THOC2: variants seen among roughly 807,000 people sequenced by gnomAD.
THOC2 encodes THO complex 2.
Under a neutral mutation model 128.4 loss-of-function variants are expected in THOC2, and 10 were observed. The observed-to-expected ratio is 0.08, with a 90% CI of 0.05 to 0.13. THOC2 has a LOEUF of 0.13. Among genes scored for constraint, THOC2 ranks in the 10% least tolerant of loss-of-function variants. The pLI is 1.00. For missense variants in THOC2, 535 were observed against 1,155.7 expected, an observed-to-expected ratio of 0.46 and a Z score of 7.79; for synonymous variants, 393 against 396.9, an observed-to-expected ratio of 0.99 and a Z score of 0.12.
At chrX:123,635,345 A>C (rs1028985771) in intron 19 of THOC2, among the ~76,000 whole-genome samples, 2 of 111,862 alleles carry the variant, frequency 1.8e-5, no homozygotes, top group Non-Finnish European at 3.8e-5. Context: ...ATAAGTTTAA[A>C]GTTTTTTTAA....
intron 4 of THOC2, among the ~76,000 whole-genome samples, chrX:123,700,243 G>A (rs1426954877): frequency 9.2e-6 from 1 of 109,153 alleles, no homozygotes; most frequent in Admixed American, 9.9e-5. Flanking sequence ...GCTCAAGCCT[G>A]TAATCCCAGC....
At chrX:123,615,543 T>C (rs1235620218) in intron 33 of THOC2, among the ~76,000 whole-genome samples, 1 of 109,830 alleles carries the variant, frequency 9.1e-6, no homozygotes, top group Non-Finnish European at 1.9e-5. Flanking sequence ...GTGAGGTTTA[T>C]TCATATCTTA....
At chrX:123,658,217 G>A (rs976800856) in intron 12 of THOC2, among the ~76,000 whole-genome samples, 2 of 110,855 alleles carry the variant, frequency 1.8e-5, no homozygotes, top group Non-Finnish European at 3.8e-5. Flanking sequence ...AAGAGTGGAA[G>A]ACAAAAACAA....
chrX:123,701,779 A>T (rs1445825355), intron 4 of THOC2, among the ~76,000 whole-genome samples: 1 of 111,546 alleles, frequency 9.0e-6, no homozygotes, highest in Non-Finnish European at 1.9e-5. Context: ...AATCCAACAG[A>T]TACCATGAAC....
chrX:123,696,367 T>C (rs985264642), intron 6 of THOC2, among the ~76,000 whole-genome samples: 4 of 111,288 alleles, frequency 3.6e-5, no homozygotes, highest in Non-Finnish European at 7.5e-5. Context: ...GGAAAACCAG[T>C]AACACAAGAA....
intron 9 of THOC2, among the ~76,000 whole-genome samples, chrX:123,669,356 G>A (rs1282891149): frequency 1.9e-5 from 2 of 103,078 alleles, no homozygotes; most frequent in Non-Finnish European, 3.9e-5. Context: ...TTTTGCTCTC[G>A]TTGCCCAGGC....
chrX:123,627,108 C>G (rs1337420671), intron 23 of THOC2, among the ~76,000 whole-genome samples: 1 of 112,427 alleles, frequency 8.9e-6, no homozygotes, highest in Non-Finnish European at 1.9e-5. Flanking sequence ...CATTACTATC[C>G]TGCTCAGGAA....
intron 33 of THOC2, among the ~76,000 whole-genome samples, chrX:123,614,940 C>T (rs1314267196): frequency 2.7e-5 from 3 of 111,287 alleles, no homozygotes; most frequent in East Asian, 2.8e-4. Context: ...AAGGGCTATA[C>T]GCAATAAAAC....
At chrX:123,716,799 G>A (rs941673195) in intron 1 of THOC2, among the ~76,000 whole-genome samples, 5 of 105,058 alleles carry the variant, frequency 4.8e-5, no homozygotes, top group Non-Finnish European at 7.8e-5. Context: ...TTGGGAAGCT[G>A]AGGCAGGAGA....
Position 123,637,385 on chromosome X carries a change from A to G in THOC2, c.1921+658T>C, listed in dbSNP as rs1004398144. On this transcript the variant is annotated intron_variant, in intron 18 of 38. Coordinates refer to ENST00000245838, the MANE Select transcript of THOC2 (RefSeq NM_001081550.2). ...TAAGTCAAGTTTTTGTTCTTTTAAG[A>G]TGACTGGAACCTCAGGATGGAATGG... is the stretch of plus-strand genomic sequence containing the variant. 6.3e-5 allele frequency among the ~76,000 whole-genome samples: 7 copies of G among 111,728 alleles called. No homozygotes were observed. In the Admixed American group the frequency reaches 6.7e-4, roughly 11 times the overall value.
chrX:123,616,742 T>C (rs1181289455), intron 33 of THOC2, among the ~76,000 whole-genome samples: 3 of 109,378 alleles, frequency 2.7e-5, no homozygotes, highest in Non-Finnish European at 5.8e-5. Context: ...ACACAATTGA[T>C]CAAAACTAGA....
intron 28 of THOC2, 185 bp from the exon 29 acceptor site, chrX:123,623,468 T>G: frequency 3.4e-6 from 2 of 583,867 alleles, no homozygotes; most frequent in East Asian, 3.9e-5. Context: ...AAAATTACAA[T>G]TTCACTATAA....
chrX:123,728,366 T>C (rs1251469698), intron 1 of THOC2, among the ~76,000 whole-genome samples: 1 of 111,545 alleles, frequency 9.0e-6, no homozygotes, highest in African/African-American at 3.3e-5. Context: ...ACAAACAAAG[T>C]AGTAGCCTAT....
chrX:123,642,193 A>G (rs1247443917), intron 15 of THOC2, among the ~76,000 whole-genome samples: 2 of 111,901 alleles, frequency 1.8e-5, no homozygotes, highest in African/African-American at 6.5e-5. Context: ...TGGGAGGCCA[A>G]GGCGGGTGAA....
intron 12 of THOC2, among the ~76,000 whole-genome samples, chrX:123,661,346 A>G (rs1206137266): frequency 9.0e-6 from 1 of 111,090 alleles, no homozygotes. Flanking sequence ...CGGAGGTTGC[A>G]GTGAGCCGAG....
At chrX:123,676,614 T>C (rs1379937348) in intron 8 of THOC2, among the ~76,000 whole-genome samples, 1 of 112,444 alleles carries the variant, frequency 8.9e-6, no homozygotes, top group Non-Finnish European at 1.9e-5. Flanking sequence ...TGGAGTTCCC[T>C]ACTATGCCAC....
At chrX:123,698,897 T>A (rs2050566190) in intron 4 of THOC2, among the ~76,000 whole-genome samples, 1 of 110,715 alleles carries the variant, frequency 9.0e-6, no homozygotes. Flanking sequence ...AATTAACATC[T>A]TATCTTGAAT....
At chrX:123,719,233 A>G (rs191104057) in intron 1 of THOC2, among the ~76,000 whole-genome samples, 55 of 109,966 alleles carry the variant, frequency 5.0e-4, no homozygotes, top group African/African-American at 1.8e-3. Context: ...TGGGCAAAGG[A>G]CTTGAGTAGA....
chrX:123,682,053 C>A (rs2049809873), intron 8 of THOC2, among the ~76,000 whole-genome samples: 2 of 110,918 alleles, frequency 1.8e-5, no homozygotes, highest in Non-Finnish European at 3.8e-5. Context: ...AGTGAAACTC[C>A]ATTCAAAAAA....
Sources: gnomAD v4.1 joint callset for allele counts (sites outside exome capture counted in the v4.1 genomes callset) on GRCh38, gnomAD v4.1.1 for gene constraint, MANE v1.5 for transcripts, NCBI Gene and HGNC (gene_info 2026-07-23, HGNC 2026-07-21) for gene names.